GNE: variants seen among roughly 807,000 people sequenced by gnomAD.
GNE encodes glucosamine (UDP-N-acetyl)-2-epimerase/N-acetylmannosamine kinase.
Under a neutral mutation model 61.8 loss-of-function variants are expected in GNE, and 41 were observed. The observed-to-expected ratio is 0.66, with a 90% CI of 0.52 to 0.86. GNE has a LOEUF of 0.86. GNE is among the 40% of genes least tolerant of loss of function. The pLI is 0.00. For missense variants in GNE, 608 were observed against 909.1 expected (o/e 0.67, Z 4.26); for synonymous variants, 264 against 326.4 (o/e 0.81, Z 2.06).
At chr9:36,271,960 A>C (rs1173547369) in intron 1 of GNE, among the ~76,000 whole-genome samples, 3 of 152,174 alleles carry the variant, frequency 2.0e-5, no homozygotes, top group African/African-American at 7.2e-5. Context: ...TCTTCTACCA[A>C]AGATTCCTAG....
chr9:36,233,580 T>C (rs1318899536), intron 5 of GNE, among the ~76,000 whole-genome samples: 2 of 151,660 alleles, frequency 1.3e-5, no homozygotes, highest in Non-Finnish European at 2.9e-5. Context: ...GGCAGGAGAA[T>C]GGCGTGAACC....
Position 36,229,023 on chromosome 9 carries a change from AG to A in GNE, c.1067del (p.Pro356LeufsTer16). 1 of 1,565,320 alleles carries A rather than the reference AG, an allele frequency of 6.4e-7. No homozygotes were observed. Among genetic ancestry groups the A allele is most frequent in the Non-Finnish European group, 8.8e-7 (1 of 1,135,634 alleles). ...ALHLQFGKQY[P>X]CSKIYGDGNA... ...AACAAAGAATGTTTTATACTCACCA[AG>A]GGTACTGTTTACCAAACTGAAGGTG... On this transcript the variant is annotated frameshift_variant, in exon 6 of 12. Transcript: ENST00000642385. LOFTEE classifies it high-confidence loss of function.
rs556385459 is a variant in GNE at position 36,268,077 on chromosome 9, C to T, written c.51+8817G>A. Among the ~76,000 whole-genome samples the T allele has an allele frequency of 4.0e-5, 6 of 149,366 alleles. No individual in the cohort carries two copies. The East Asian group carries it at 1.2e-3, about 31-fold the overall frequency. On this transcript the variant is annotated intron_variant, in intron 1 of 11. Transcript: ENST00000396594. The stretch of plus-strand genomic sequence containing the variant: ...TCGCCTGAGCCTGGGAGGTCCAGGC[C>T]GCAGTGAGTCATGATCACACCACTG...
At chr9:36,238,967 G>A (rs1212251533) in intron 3 of GNE, among the ~76,000 whole-genome samples, 1 of 152,126 alleles carries the variant, frequency 6.6e-6, no homozygotes, top group Non-Finnish European at 1.5e-5. Context: ...AATTATCCCA[G>A]CACCATTTGT....
chr9:36,251,491 A>G (rs1830104037), intron 1 of GNE, among the ~76,000 whole-genome samples: 1 of 152,124 alleles, frequency 6.6e-6, no homozygotes, highest in Admixed American at 6.6e-5. Flanking sequence ...AAGCACGATC[A>G]TAGCTCATTG....
Position 36,217,293 on chromosome 9 carries a change from G to T in GNE, c.*72C>A, listed in dbSNP as rs920731178. ...TACCAGATTTGATTGTTAAGAAACGGTCATCCTAAAGACAAGAACTTGATT... is the reference window on the plus strand; with the variant it reads ...TACCAGATTTGATTGTTAAGAAACGTTCATCCTAAAGACAAGAACTTGATT... On this transcript the variant is annotated 3_prime_UTR_variant, in exon 12 of 12. Coordinates refer to ENST00000642385, the MANE Select transcript of GNE (RefSeq NM_005476.7). 3 of 991,022 alleles carry T rather than the reference G, an allele frequency of 3.0e-6. No homozygotes were observed. The highest frequency in any genetic ancestry group is 1.6e-5 in the African/African-American group (1 of 62,990). 61.4% of individuals were successfully genotyped at this position (991,022 alleles called of 1,614,324 possible). A position where few individuals can be genotyped will look rare whatever the true frequency, so the allele number is the denominator to read the frequency against.
intron 4 of GNE, among the ~76,000 whole-genome samples, chr9:36,236,133 A>C (rs555746977): frequency 6.6e-6 from 1 of 152,216 alleles, no homozygotes; most frequent in Non-Finnish European, 1.5e-5. Context: ...GAAAGAAAGC[A>C]AGAAAAAATA....
intron 1 of GNE, among the ~76,000 whole-genome samples, chr9:36,270,061 A>C (rs1830964773): frequency 6.6e-6 from 1 of 152,154 alleles, no homozygotes; most frequent in Non-Finnish European, 1.5e-5. Context: ...TCCTGGGCTC[A>C]AGCGATCCTG....
chr9:36,238,771 C>T (rs988283556), intron 3 of GNE, among the ~76,000 whole-genome samples: 11 of 152,204 alleles, frequency 7.2e-5, no homozygotes, highest in Middle Eastern at 3.4e-3. Context: ...TTTGTTTTAT[C>T]GTATTTGCTT....
At chr9:36,237,757 C>T (rs1829455122) in intron 3 of GNE, among the ~76,000 whole-genome samples, 1 of 151,880 alleles carries the variant, frequency 6.6e-6, no homozygotes, top group Non-Finnish European at 1.5e-5. Context: ...TTGGTGCACC[C>T]ATCACCTGAG....
intron 2 of GNE, among the ~76,000 whole-genome samples, chr9:36,248,141 C>T (rs997813988): frequency 6.6e-5 from 10 of 151,620 alleles, no homozygotes; most frequent in African/African-American, 2.4e-4. Context: ...AAAGAATAGT[C>T]TGAAAAGGAC....
At chr9:36,232,150 A>G (rs1829183268) in intron 5 of GNE, among the ~76,000 whole-genome samples, 4 of 152,060 alleles carry the variant, frequency 2.6e-5, no homozygotes, top group Admixed American at 2.6e-4. Context: ...TCACTGCCCA[A>G]TCAGAAATCT....
In GNE at chr9:36,232,347, C is replaced by T. The variant is rs915224969; in HGVS notation, c.982+1573G>A. ...ATTCTTGCCCCCCCGCCCCCCCTCCCGACATTCCATTCTGTATATTAGCAA... is the reference window on the plus strand; with the variant it reads ...ATTCTTGCCCCCCCGCCCCCCCTCCTGACATTCCATTCTGTATATTAGCAA... On this transcript the variant is annotated intron_variant, in intron 5 of 11. Coordinates refer to ENST00000642385, the MANE Select transcript of GNE (RefSeq NM_005476.7). Among the ~76,000 whole-genome samples the T allele has an allele frequency of 4.1e-5, 6 of 145,794 alleles. No homozygotes were observed. In the East Asian group the frequency reaches 1.0e-3, roughly 25 times the overall value.
Position 36,233,901 on chromosome 9 carries a change from T to G in GNE, c.982+19A>C, listed in dbSNP as rs751019595. The G allele has an allele frequency of 6.3e-7, 1 of 1,579,258 alleles. No individual in the cohort carries two copies. The highest frequency in any genetic ancestry group is 2.2e-5 in the East Asian group (1 of 44,728). On this transcript the variant is annotated intron_variant, in intron 5 of 11. Coordinates refer to ENST00000642385, the MANE Select transcript of GNE (RefSeq NM_005476.7). ...ATGTATAAAGCCTAGTCAGTTGAAG[T>G]ATGAGCAAAGGTAAATACCTGTTTC...
At chr9:36,265,939 TA>T (rs1256141743) in intron 1 of GNE, among the ~76,000 whole-genome samples, 2 of 152,094 alleles carry the variant, frequency 1.3e-5, no homozygotes, top group Non-Finnish European at 2.9e-5. Flanking sequence ...TATTTTATTT[TA>T]TTTTTTTGAG....
rs375794259 is a variant in GNE at position 36,242,732 on chromosome 9, G to GCTTTTTTTTTTT, written c.616+3298_616+3299insAAAAAAAAAAAG. Among the ~76,000 whole-genome samples the GCTTTTTTTTTTT allele has an allele frequency of 2.1e-5, 2 of 95,992 alleles. 1 individual carries two copies. Among genetic ancestry groups the GCTTTTTTTTTTT allele is most frequent in the Non-Finnish European group, 3.9e-5 (2 of 50,778 alleles). The allele number at this position is 95,992 out of a possible 152,430, so 63.0% of individuals were successfully genotyped here. On this transcript the variant is annotated intron_variant, in intron 3 of 11. Coordinates refer to ENST00000642385, the MANE Select transcript of GNE (RefSeq NM_005476.7). ...CGCATCTGGCCTGGGTTTTATGCTTGTTTTTTTTTTTTTTTTTTTTTTTGA... is the reference window on the plus strand; with the variant it reads ...CGCATCTGGCCTGGGTTTTATGCTTGCTTTTTTTTTTTTTTTTTTTTTTTTTTTTTTTTTTGA...
At chr9:36,225,583 C>T (rs1198618912) in intron 7 of GNE, among the ~76,000 whole-genome samples, 1 of 152,026 alleles carries the variant, frequency 6.6e-6, no homozygotes, top group South Asian at 2.1e-4. Context: ...TGCAGTGAGC[C>T]GAGATCACGC....
chr9:36,243,704 G>C (rs1829744706), intron 3 of GNE, among the ~76,000 whole-genome samples: 1 of 152,094 alleles, frequency 6.6e-6, no homozygotes, highest in South Asian at 2.1e-4. Flanking sequence ...AATTAGCTGG[G>C]CATGGTGGTA....
chr9:36,229,198 G>C, intron 5 of GNE, 90 bp from the exon 6 acceptor site: 1 of 814,110 alleles, frequency 1.2e-6, no homozygotes, highest in Non-Finnish European at 2.2e-6. Flanking sequence ...CTCATAATTA[G>C]ACCTGAAATC....
Sources: allele counts gnomAD v4.1 joint callset (sites outside exome capture counted in the v4.1 genomes callset), GRCh38; gene constraint gnomAD v4.1.1; transcripts MANE v1.5; gene names NCBI Gene and HGNC (gene_info 2026-07-23, HGNC 2026-07-21).